Variants in ROBO1 observed in about 807,000 individuals in gnomAD.
ROBO1 encodes the protein roundabout homolog 1.
A neutral mutation model predicts 195.9 loss-of-function variants in ROBO1; 149 were observed. The observed-to-expected ratio is 0.76, with a 90% CI of 0.67 to 0.87. The LOEUF (loss-of-function observed/expected upper bound fraction) is 0.87. Among genes scored for constraint, ROBO1 ranks in the 40% least tolerant of loss-of-function variants. The probability of loss-of-function intolerance (pLI) is 0.00; values close to 1 mark genes in which losing one functional copy is unlikely to be tolerated. For synonymous variants in ROBO1, 816 were observed against 733.2 expected (o/e 1.11, Z -1.82); for missense variants, 1,933 against 2,068.3 (o/e 0.93, Z 1.27).
rs192551176 is a variant in ROBO1, at chr3:79,256,187, C to T, written c.89-130648G>A. On this transcript the variant is annotated intron_variant, in intron 2 of 30. Coordinates refer to ENST00000464233, the MANE Select transcript of ROBO1 (RefSeq NM_002941.4). ...TTCCATCCACCCACTTAAATAATGG[C>T]TTTCTGGATTTTCTTTTGGAAGTCT... is the stretch of plus-strand genomic sequence containing the variant. Among the ~76,000 whole-genome samples the T allele has an allele frequency of 1.4e-3, 220 of 152,240 alleles. 1 individual carries two copies. Among genetic ancestry groups the T allele is most frequent in the African/African-American group, 5.0e-3 (209 of 41,556 alleles).
chr3:78,606,888 T>G lies in ROBO1; in HGVS notation c.4589A>C (p.Lys1530Thr), dbSNP rs773707038. The G allele has an allele frequency of 5.0e-6, 8 of 1,613,942 alleles. No individual in the cohort carries two copies. Among genetic ancestry groups the G allele is most frequent in the Non-Finnish European group, 6.8e-6 (8 of 1,179,886 alleles). Residue 1530 changes from lysine to threonine, a missense_variant, in exon 29 of 31, where the codon AAG becomes ACG. Physicochemically the swap from Lys to Thr is moderately conservative, Grantham distance 78 (BLOSUM62 -1). Around this residue, in one of 3 missense-constraint regions of ROBO1, gnomAD observed 1,737 missense variants for 1,882.5 expected, o/e 0.92. Coordinates refer to ENST00000464233, the MANE Select transcript of ROBO1 (RefSeq NM_002941.4). ...TCTTCCATCCAACACTTCTCTCCCC[T>G]TGTAACTGCTTCCTTTTCTGTCTGA... is the stretch of plus-strand genomic sequence containing the variant. ...RSSDRKGSSY[K>T]GREVLDGRQV...
chr3:79,091,315 C>T (rs1345459883), intron 3 of ROBO1, among the ~76,000 whole-genome samples: 3 of 151,890 alleles, frequency 2.0e-5, no homozygotes, highest in Admixed American at 1.3e-4. Flanking sequence ...AATTTTCAGG[C>T]ATGGTTTGGC....
chr3:79,007,235 G>A (rs913573703), intron 3 of ROBO1, among the ~76,000 whole-genome samples: 7 of 152,178 alleles, frequency 4.6e-5, no homozygotes, highest in African/African-American at 1.7e-4. Context: ...GGTAGCTTTG[G>A]AGGATAAAAC....
chr3:78,987,804 G>A (rs2077145214), intron 3 of ROBO1, among the ~76,000 whole-genome samples: 1 of 151,920 alleles, frequency 6.6e-6, no homozygotes, highest in Admixed American at 6.6e-5. Context: ...GTGAGGTGAT[G>A]GATACCCCCA....
At chr3:79,171,413 C>CAA (rs34894151) in intron 2 of ROBO1, among the ~76,000 whole-genome samples, 63 of 65,812 alleles carry the variant, frequency 9.6e-4, no homozygotes, top group East Asian at 3.3e-3. Flanking sequence ...ATGAAAATTG[C>CAA]AAAAAAAAAA....
At chr3:78,673,560 TTTTA>T (rs1483861833) in intron 10 of ROBO1, among the ~76,000 whole-genome samples, 41 of 74,610 alleles carry the variant, frequency 5.5e-4, no homozygotes, top group African/African-American at 1.3e-3. Context: ...GTTACATATA[TTTTA>T]TATATATATA....
chr3:79,749,868 A>G lies in ROBO1; in HGVS notation c.-51+17884T>C, dbSNP rs185172757. Among the ~76,000 whole-genome samples the G allele has an allele frequency of 5.7e-3, 862 of 152,344 alleles. 7 individuals are homozygous for G. The highest frequency in any genetic ancestry group is 0.018 in the African/African-American group (745 of 41,582). ...ACACTGCTAGGGCAGTGTGGAAGGG[A>G]AATGTGGGGTCAGAGCCCCCACACA... On this transcript the variant is annotated intron_variant, in intron 1 of 30. Coordinates refer to ENST00000464233, the MANE Select transcript of ROBO1 (RefSeq NM_002941.4).
At chr3:78,620,883 A>ATGTGTGTGTGTGTGTG (rs199578004) in intron 26 of ROBO1, among the ~76,000 whole-genome samples, 251 of 144,656 alleles carry the variant, frequency 1.7e-3, no homozygotes, top group Middle Eastern at 0.011. Context: ...ATATATATAT[A>ATGTGTGTGTGTGTGTG]TGTGTGTGTG....
intron 2 of ROBO1, among the ~76,000 whole-genome samples, chr3:79,469,608 T>C (rs1476575361): frequency 1.3e-5 from 2 of 152,244 alleles, no homozygotes; most frequent in South Asian, 2.1e-4. Flanking sequence ...GGCAGCTTTC[T>C]TGGTTACTCT....
At chr3:79,611,144 G>A (rs1944644483) in intron 1 of ROBO1, among the ~76,000 whole-genome samples, 1 of 151,970 alleles carries the variant, frequency 6.6e-6, no homozygotes, top group Admixed American at 6.6e-5. Flanking sequence ...CAGAAGTTCA[G>A]GGAAGGTACA....
At position 79,609,996 on chromosome 3, in the gene ROBO1, T is replaced by A. The variant is rs72907835; in HGVS notation, c.-50-20035A>T. Among the ~76,000 whole-genome samples the A allele has an allele frequency of 6.6e-3, 1,009 of 152,052 alleles. 10 individuals are homozygous for A. The highest frequency in any genetic ancestry group is 0.023 in the African/African-American group (949 of 41,546). Reference sequence around the variant, plus strand: ...CTGTATAGGTAAAGATGGTTAAAATTGAAATTTTATGTTATATATATTTTA... The same window carrying A: ...CTGTATAGGTAAAGATGGTTAAAATAGAAATTTTATGTTATATATATTTTA... On this transcript the variant is annotated intron_variant, in intron 1 of 30. Coordinates refer to ENST00000464233, the MANE Select transcript of ROBO1 (RefSeq NM_002941.4).
At chr3:78,809,286 T>C (rs537770531) in intron 4 of ROBO1, among the ~76,000 whole-genome samples, 10 of 152,186 alleles carry the variant, frequency 6.6e-5, no homozygotes, top group African/African-American at 2.4e-4. Flanking sequence ...TCAAAACCAC[T>C]ATGAGATGCC....
intron 3 of ROBO1, among the ~76,000 whole-genome samples, chr3:79,011,961 T>G (rs2077791420): frequency 6.6e-6 from 1 of 152,050 alleles, no homozygotes; most frequent in South Asian, 2.1e-4. Context: ...AGAGGAGAGC[T>G]TTGAGGACTC....
chr3:79,185,315 T>C (rs114006247), intron 2 of ROBO1, among the ~76,000 whole-genome samples: 3,193 of 152,232 alleles, frequency 0.021, 58 homozygotes, highest in Middle Eastern at 0.024. Context: ...TATAAGGAGA[T>C]GGTCATAGAG....
chr3:79,232,030 C>T (rs939023983), intron 2 of ROBO1, among the ~76,000 whole-genome samples: 7 of 151,778 alleles, frequency 4.6e-5, no homozygotes, highest in African/African-American at 1.7e-4. Flanking sequence ...GACATGGACA[C>T]ATACACACAG....
intron 1 of ROBO1, among the ~76,000 whole-genome samples, chr3:79,741,118 C>T (rs1703625049): frequency 6.6e-6 from 1 of 152,156 alleles, no homozygotes; most frequent in South Asian, 2.1e-4. Flanking sequence ...TGCTTAGGGG[C>T]TTGCTCTGTT....
intron 4 of ROBO1, among the ~76,000 whole-genome samples, chr3:78,818,794 C>G (rs1288301838): frequency 6.6e-6 from 1 of 152,198 alleles, no homozygotes; most frequent in African/African-American, 2.4e-5. Flanking sequence ...TATTGAGCTT[C>G]CAGCAGTCCC....
At chr3:79,514,145 A>G (rs1171113066) in intron 2 of ROBO1, among the ~76,000 whole-genome samples, 1 of 152,196 alleles carries the variant, frequency 6.6e-6, no homozygotes, top group Non-Finnish European at 1.5e-5. Context: ...ATAGCTTTCT[A>G]GAGGAGCAGC....
At chr3:79,304,094 T>C (rs1252083566) in intron 2 of ROBO1, among the ~76,000 whole-genome samples, 2 of 152,192 alleles carry the variant, frequency 1.3e-5, no homozygotes, top group Non-Finnish European at 2.9e-5. Flanking sequence ...AAAAACCTTT[T>C]GATACTATAA....
Sources: allele counts gnomAD v4.1 joint callset (sites outside exome capture counted in the v4.1 genomes callset), GRCh38; gene constraint gnomAD v4.1.1; regional missense constraint gnomAD v4.1.1; transcripts MANE v1.5; gene names NCBI Gene and HGNC (gene_info 2026-07-23, HGNC 2026-07-21).